Variants in DOCK4 observed in about 807,000 individuals in gnomAD.
DOCK4 encodes the protein dedicator of cytokinesis 4.
Under a neutral mutation model 268.1 loss-of-function variants are expected in DOCK4, and 97 were observed. The ratio of observed to expected loss-of-function variants is 0.36; its 90% CI spans 0.31 to 0.43. The LOEUF (loss-of-function observed/expected upper bound fraction) is 0.43. Ranked by LOEUF, DOCK4 falls within the 20% of genes least tolerant of loss-of-function variation. The pLI, the probability that DOCK4 is intolerant of heterozygous loss-of-function variation, is 1.00. For missense variants in DOCK4, 2,145 were observed against 2,455.7 expected (o/e 0.87, Z 2.67); for synonymous variants, 954 against 887.2 (o/e 1.08, Z -1.34).
intron 8 of DOCK4, among the ~76,000 whole-genome samples, chr7:111,952,628 A>G (rs1456028762): frequency 1.3e-5 from 2 of 152,228 alleles, no homozygotes; most frequent in Non-Finnish European, 2.9e-5. Flanking sequence ...ATCCAAAAAT[A>G]TATGACTGGG....
chr7:111,859,655 C>T (rs1446168377), intron 23 of DOCK4, among the ~76,000 whole-genome samples: 1 of 149,068 alleles, frequency 6.7e-6, no homozygotes, highest in Non-Finnish European at 1.5e-5. Flanking sequence ...GCAAGCTCCG[C>T]CTCCCGGGTT....
intron 8 of DOCK4, among the ~76,000 whole-genome samples, chr7:111,973,489 G>A (rs984557247): frequency 3.3e-5 from 5 of 152,076 alleles, no homozygotes; most frequent in Admixed American, 3.3e-4. Flanking sequence ...AGAGGAAGAG[G>A]GAAGCTAGAG....
intron 36 of DOCK4, among the ~76,000 whole-genome samples, chr7:111,771,703 A>G (rs1798136617): frequency 6.6e-6 from 1 of 152,148 alleles, no homozygotes; most frequent in Non-Finnish European, 1.5e-5. Flanking sequence ...CTAAGTATCT[A>G]AGGAAACCCT....
At chr7:112,178,162 GAAA>G (rs1818690822) in intron 1 of DOCK4, among the ~76,000 whole-genome samples, 1 of 152,226 alleles carries the variant, frequency 6.6e-6, no homozygotes. Flanking sequence ...AGTTACAGGT[GAAA>G]TGCAATGTCC....
chr7:111,735,146 C>A lies in DOCK4; in HGVS notation c.5327G>T (p.Ser1776Ile). ...PEKAVNPTPS[S>I]WSLDSGKEAK... Reference sequence around the variant, plus strand: ...TTCCTTCCCACTGTCCAGGCTCCAGCTGCTAGGGGTGGGGTTCACAGCTGG... The same window carrying A: ...TTCCTTCCCACTGTCCAGGCTCCAGATGCTAGGGGTGGGGTTCACAGCTGG... Residue 1776 changes from serine to isoleucine, a missense_variant, in exon 51 of 53, where the codon AGC (serine) becomes ATC (isoleucine). Transcript: ENST00000428084. 6.3e-7 allele frequency: 1 copy of A among 1,593,078 alleles called. No homozygotes were observed. Among genetic ancestry groups the A allele is most frequent in the East Asian group, 2.3e-5 (1 of 44,322 alleles).
At chr7:112,108,235 C>A (rs1032583183) in intron 1 of DOCK4, among the ~76,000 whole-genome samples, 1 of 152,042 alleles carries the variant, frequency 6.6e-6, no homozygotes, top group African/African-American at 2.4e-5. Context: ...AAAATAAATA[C>A]CACTCTCTAA....
intron 1 of DOCK4, among the ~76,000 whole-genome samples, chr7:112,175,399 CT>C (rs1384306145): frequency 2.6e-5 from 4 of 151,884 alleles, no homozygotes; most frequent in African/African-American, 9.7e-5. Flanking sequence ...CTTATTTGCC[CT>C]GCCTTTGTAT....
chr7:112,016,094 T>A (rs1243106816), intron 1 of DOCK4, among the ~76,000 whole-genome samples: 3 of 152,242 alleles, frequency 2.0e-5, no homozygotes, highest in Non-Finnish European at 2.9e-5. Context: ...CTATTAACTA[T>A]TCTCCAGTTC....
At chr7:111,819,083 A>G (rs746741244) in intron 27 of DOCK4, among the ~76,000 whole-genome samples, 2 of 152,208 alleles carry the variant, frequency 1.3e-5, no homozygotes, top group African/African-American at 2.4e-5. Flanking sequence ...GGCTACATAG[A>G]TCTCATTTGA....
chr7:112,137,467 GACA>G (rs1427913499), intron 1 of DOCK4, among the ~76,000 whole-genome samples: 1 of 152,122 alleles, frequency 6.6e-6, no homozygotes, highest in Non-Finnish European at 1.5e-5. Flanking sequence ...TCACACACAG[GACA>G]ACATTTTTCC....
At chr7:111,973,180 T>TATATATATATATAC (rs1330800991) in intron 8 of DOCK4, among the ~76,000 whole-genome samples, 4 of 145,428 alleles carry the variant, frequency 2.8e-5, no homozygotes, top group African/African-American at 1.0e-4. Context: ...TATATATATA[T>TATATATATATATAC]ATATATAATA....
intron 1 of DOCK4, among the ~76,000 whole-genome samples, chr7:112,146,208 C>T (rs887737113): frequency 6.6e-6 from 1 of 152,184 alleles, no homozygotes; most frequent in Non-Finnish European, 1.5e-5. Context: ...AGAAAGACTT[C>T]ATCGAATCAG....
At position 111,868,024 on chromosome 7, in the gene DOCK4, G is replaced by C; in HGVS notation, c.2240C>G (p.Ser747Trp). ...TGCTCCAGACCCTTTGCTCTCTTGCGAAAGAAAGAAACGGACTGACATGAG... is the reference window on the plus strand; with the variant it reads ...TGCTCCAGACCCTTTGCTCTCTTGCCAAAGAAAGAAACGGACTGACATGAG... ...ELLMSVRFFL[S>W]QESKGSGALS... is the part of the protein sequence containing the mutation. Residue 747 changes from serine to tryptophan, a missense_variant, in exon 22 of 53, where the codon TCG becomes TGG. Around this residue, in one of 2 missense-constraint regions of DOCK4, gnomAD observed 1,598 missense variants for 1,986.7 expected, o/e 0.80. Coordinates refer to ENST00000428084, the MANE Select transcript of DOCK4 (RefSeq NM_001363540.2). 6.2e-7 allele frequency: 1 copy of C among 1,612,008 alleles called. No homozygotes were observed. The highest frequency in any genetic ancestry group is 8.5e-7 in the Non-Finnish European group (1 of 1,179,064).
At chr7:111,908,985 T>C (rs532473646) in intron 13 of DOCK4, among the ~76,000 whole-genome samples, 3 of 152,312 alleles carry the variant, frequency 2.0e-5, no homozygotes, top group African/African-American at 7.2e-5. Context: ...AGTGCCGCAA[T>C]AAACAAATGT....
chr7:111,822,451 G>A lies in DOCK4; in HGVS notation c.2841C>T (p.Phe947=), dbSNP rs1802062631. ...SFNTKEELRD[F]LLQIFTVFRI... is the part of the protein sequence containing the mutation. ...GGAACACAGTAAATATCTGCAGCAGGAAATCCTTGGATAAGGAGAAAATAG... is the reference window on the plus strand; with the variant it reads ...GGAACACAGTAAATATCTGCAGCAGAAAATCCTTGGATAAGGAGAAAATAG... The change falls in exon 27 of 53, where the codon TTC becomes TTT. Residue 947 remains phenylalanine, a synonymous_variant. Coordinates refer to ENST00000428084, the MANE Select transcript of DOCK4 (RefSeq NM_001363540.2). The A allele has an allele frequency of 1.2e-6, 2 of 1,611,290 alleles. No individual in the cohort carries two copies. The highest frequency in any genetic ancestry group is 2.7e-5 in the African/African-American group (2 of 74,856).
chr7:112,154,647 ATG>A (rs1292569217), intron 1 of DOCK4, among the ~76,000 whole-genome samples: 1 of 152,182 alleles, frequency 6.6e-6, no homozygotes, highest in Non-Finnish European at 1.5e-5. Flanking sequence ...AGACACTGAT[ATG>A]TTTTCCTCCA....
chr7:111,851,985 ACAGAGTCTCACTCTGTCAT>A (rs1804612609), intron 23 of DOCK4, among the ~76,000 whole-genome samples: 1 of 125,532 alleles, frequency 8.0e-6, no homozygotes, highest in Admixed American at 8.8e-5. Context: ...TTTTCTTGAG[ACAGAGTCTCACTCTGTCAT>A]CCAGGCTGGA....
At chr7:111,823,497 C>G (rs959229338) in intron 26 of DOCK4, among the ~76,000 whole-genome samples, 1 of 152,110 alleles carries the variant, frequency 6.6e-6, no homozygotes, top group Non-Finnish European at 1.5e-5. Context: ...CATGAGCCAC[C>G]AGGCCTGGCC....
chr7:112,046,953 G>A (rs1190290005), intron 1 of DOCK4, among the ~76,000 whole-genome samples: 1 of 152,140 alleles, frequency 6.6e-6, no homozygotes, highest in Non-Finnish European at 1.5e-5. Flanking sequence ...AAGAATCACA[G>A]AAATCTGCAA....
Sources: allele counts gnomAD v4.1 joint callset (sites outside exome capture counted in the v4.1 genomes callset), GRCh38; gene constraint gnomAD v4.1.1; regional missense constraint gnomAD v4.1.1; transcripts MANE v1.5; gene names NCBI Gene and HGNC (gene_info 2026-07-23, HGNC 2026-07-21).